OMA1: variants seen among roughly 807,000 people sequenced by gnomAD.
The protein encoded by OMA1 is OMA1 zinc metallopeptidase.
OMA1 carries 38 observed loss-of-function variants against 30.9 expected under a neutral mutation model. That is an observed-to-expected ratio of 1.23 (90% CI 0.95 to 1.61). The LOEUF is 1.61. Ranked by LOEUF, OMA1 falls within the 40% of genes most tolerant of loss-of-function variation. The pLI is 0.00. For missense variants in OMA1, 461 were observed against 349.2 expected (o/e 1.32, Z -2.55); for synonymous variants, 173 against 121.9 (o/e 1.42, Z -2.76).
intron 8 of OMA1, among the ~76,000 whole-genome samples, chr1:58,495,182 C>A (rs1045707875): frequency 6.6e-6 from 1 of 152,116 alleles, no homozygotes; most frequent in Admixed American, 6.6e-5. Flanking sequence ...AAAAACTAAA[C>A]ACTGCAGGTT....
intron 8 of OMA1, among the ~76,000 whole-genome samples, chr1:58,494,871 G>A (rs531933540): frequency 1.1e-4 from 17 of 152,276 alleles, no homozygotes; most frequent in African/African-American, 4.1e-4. Flanking sequence ...CGATTCCTCA[G>A]GGATCTAGAA....
chr1:58,546,138 A>G (rs1646700331), intron 1 of OMA1, among the ~76,000 whole-genome samples: 1 of 152,232 alleles, frequency 6.6e-6, no homozygotes, highest in South Asian at 2.1e-4. Flanking sequence ...TTACGAGGAA[A>G]TTGTTAAAAC....
intron 7 of OMA1, among the ~76,000 whole-genome samples, chr1:58,520,967 T>A (rs928364959): frequency 1.3e-5 from 2 of 152,014 alleles, no homozygotes; most frequent in African/African-American, 4.8e-5. Flanking sequence ...AAAACTGACA[T>A]CCACAGAACA....
intron 7 of OMA1, among the ~76,000 whole-genome samples, chr1:58,508,035 C>T (rs1257778422): frequency 6.6e-6 from 1 of 152,054 alleles, no homozygotes; most frequent in Non-Finnish European, 1.5e-5. Flanking sequence ...AATCAAAAGA[C>T]AAAATATTTC....
At chr1:58,516,286 C>A (rs12141238) in intron 7 of OMA1, among the ~76,000 whole-genome samples, 23,406 of 152,092 alleles carry the variant, frequency 0.15, 1,871 homozygotes, top group Middle Eastern at 0.23. Context: ...GAAACTGTTA[C>A]GAAAAAATTA....
intron 7 of OMA1, among the ~76,000 whole-genome samples, chr1:58,520,928 T>A (rs1646252389): frequency 6.6e-6 from 1 of 151,908 alleles, no homozygotes; most frequent in African/African-American, 2.4e-5. Context: ...ATATAGAAGA[T>A]CTGAAACAAC....
chr1:58,529,145 T>C (rs1646395256), intron 6 of OMA1, among the ~76,000 whole-genome samples: 1 of 152,206 alleles, frequency 6.6e-6, no homozygotes, highest in Admixed American at 6.5e-5. Flanking sequence ...TAAGAACCTT[T>C]ACTTCAATAT....
intron 7 of OMA1, among the ~76,000 whole-genome samples, chr1:58,515,040 C>A (rs1251109964): frequency 2.6e-5 from 4 of 152,192 alleles, no homozygotes. Context: ...CTACAATCAT[C>A]ATTGTCATCA....
intron 8 of OMA1, among the ~76,000 whole-genome samples, chr1:58,493,216 G>A (rs910686753): frequency 3.3e-4 from 50 of 152,028 alleles, no homozygotes; most frequent in African/African-American, 1.1e-3. Context: ...AAATTCAACA[G>A]CCCTTCATGC....
intron 2 of OMA1, among the ~76,000 whole-genome samples, chr1:58,538,205 G>C (rs748457284): frequency 1.3e-5 from 2 of 152,000 alleles, no homozygotes; most frequent in Non-Finnish European, 2.9e-5. Flanking sequence ...ACAAACAAGA[G>C]AAAAAGGGTT....
intron 8 of OMA1, among the ~76,000 whole-genome samples, chr1:58,492,696 G>C (rs1190243804): frequency 2.0e-5 from 3 of 152,142 alleles, no homozygotes; most frequent in African/African-American, 4.8e-5. Flanking sequence ...GACACATACA[G>C]TCTCCCAAGA....
At position 58,533,987 on chromosome 1, in the gene OMA1, C is replaced by T. The variant is rs138200752; in HGVS notation, c.977G>A (p.Gly326Asp). The T allele has an allele frequency of 1.1e-6, 1 of 871,608 alleles. No homozygotes were observed. 54.0% of individuals were successfully genotyped at this position (871,608 alleles called of 1,614,324 possible). A position where few individuals can be genotyped will look rare whatever the true frequency, so the allele number is the denominator to read the frequency against. Residue 326 changes from glycine (G) to aspartate (D), a missense_variant, in exon 5 of 9, where the codon GGC becomes GAC. Coordinates refer to ENST00000371226, the MANE Select transcript of OMA1 (RefSeq NM_145243.5). The part of the protein sequence containing the change: ...TDIHQLSFLL[G>D]HEIAHAVLGH... ...AAGTACTGCATGTGCTATTTCATGGCCCAGAAGGAAAGAAAGTTGATGAAT... is the reference window on the plus strand; with the variant it reads ...AAGTACTGCATGTGCTATTTCATGGTCCAGAAGGAAAGAAAGTTGATGAAT...
intron 8 of OMA1, among the ~76,000 whole-genome samples, chr1:58,499,978 A>T (rs1017743460): frequency 2.0e-5 from 3 of 152,148 alleles, no homozygotes; most frequent in African/African-American, 7.2e-5. Context: ...AAAAAAATGG[A>T]CAAAAATTAA....
intron 1 of OMA1, chr1:58,542,509 T>A (rs1423678311): frequency 6.6e-6 from 1 of 152,088 alleles, no homozygotes; most frequent in Non-Finnish European, 1.5e-5. Context: ...AAGACATCCA[T>A]GAGTAGCTGA....
intron 7 of OMA1, among the ~76,000 whole-genome samples, chr1:58,519,901 A>T (rs1569939688): frequency 1.3e-5 from 2 of 152,358 alleles, no homozygotes; most frequent in East Asian, 3.9e-4. Context: ...CTCAAATACG[A>T]ATTTAATGTA....
rs376167645 is a variant in OMA1 at position 58,527,273 on chromosome 1, C to A, written c.1203G>T (p.Leu401=). The change falls in exon 7 of 9, where the codon CTG becomes CTT. Residue 401 remains leucine (L), a synonymous_variant. Transcript: ENST00000371226. The part of the protein sequence containing the change: ...LEAEADKIGL[L]LAAKACADIR... ...CTAAACACTTTACCTTTGCAGCAAG[C>A]AGTAGTCCAATTTTGTCAGCTTCGG... The A allele has an allele frequency of 5.7e-6, 5 of 872,160 alleles. No homozygotes were observed. In the African/African-American group the frequency reaches 6.5e-5, roughly 11 times the overall value. 54.0% of individuals were successfully genotyped at this position (872,160 alleles called of 1,614,324 possible).
intron 7 of OMA1, among the ~76,000 whole-genome samples, chr1:58,526,906 T>C (rs1237391092): frequency 8.5e-5 from 13 of 152,086 alleles, no homozygotes; most frequent in Admixed American, 6.5e-4. Context: ...TAACCAAATG[T>C]TTTAAAATTT....
chr1:58,505,077 C>T (rs949430751), intron 8 of OMA1, among the ~76,000 whole-genome samples: 1 of 152,112 alleles, frequency 6.6e-6, no homozygotes, highest in Non-Finnish European at 1.5e-5. Context: ...CTCAATCTCC[C>T]GAGTAGCTGG....
chr1:58,504,571 G>T (rs1013833524), intron 8 of OMA1, among the ~76,000 whole-genome samples: 4 of 151,632 alleles, frequency 2.6e-5, no homozygotes, highest in Non-Finnish European at 5.9e-5. Flanking sequence ...TTTCTTATTT[G>T]CATTACCTAA....
Sources: gnomAD v4.1 joint callset for allele counts (sites outside exome capture counted in the v4.1 genomes callset) on GRCh38, gnomAD v4.1.1 for gene constraint, MANE v1.5 for transcripts, NCBI Gene and HGNC (gene_info 2026-07-23, HGNC 2026-07-21) for gene names.